The following PRSS56 variants were observed in gnomAD, a reference collection of about 807,000 sequenced individuals.
PRSS56 encodes the protein protease, serine 56.
In PRSS56, 55 loss-of-function variants were observed where a neutral mutation model predicts 66.8. The observed-to-expected ratio is 0.82, with a 90% CI of 0.66 to 1.03. The LOEUF (loss-of-function observed/expected upper bound fraction) is 1.03. Ranked by LOEUF, PRSS56 falls within the 50% of genes least tolerant of loss-of-function variation. The pLI is 0.00. For synonymous variants in PRSS56, 409 were observed against 387.9 expected (o/e 1.05, Z -0.64); for missense variants, 869 against 837.2 (o/e 1.04, Z -0.47).
In PRSS56 at chr2:232,520,453, A is replaced by G. The variant is rs1378908957; in HGVS notation, c.-146A>G. On this transcript the variant is annotated 5_prime_UTR_variant, in exon 1 of 13. Coordinates refer to ENST00000617714, the MANE Select transcript of PRSS56 (RefSeq NM_001195129.2). ...GAGGCGGGTAATTTTGATGTAAGAG[A>G]ACGGGGTCAGATGATTTGAGGGACA... is the stretch of plus-strand genomic sequence containing the variant. 2 of 697,168 alleles carry G rather than the reference A, an allele frequency of 2.9e-6. No homozygotes were observed. Among genetic ancestry groups the G allele is most frequent in the African/African-American group, 1.7e-5 (1 of 57,172 alleles). The allele number at this position is 697,168 out of a possible 1,614,324, so 43.2% of individuals were successfully genotyped here.
At position 232,522,812 on chromosome 2, in the gene PRSS56, C is replaced by A. The variant is rs1204418364; in HGVS notation, c.657C>A (p.Pro219=). 7 of 1,497,656 alleles carry A rather than the reference C, an allele frequency of 4.7e-6. 1 individual carries two copies. In the South Asian group the frequency reaches 8.8e-5, roughly 19 times the overall value. The allele number at this position is 1,497,656 out of a possible 1,614,324, so 92.8% of individuals were successfully genotyped here. ...GCCTGCCCCAGGAGCCCCAGGAGCC[C>A]CCTGCCGGAACCGCCTGCGCCATCG... The part of the protein sequence containing the change: ...PVCLPQEPQE[P]PAGTACAIAG... Residue 219 remains proline (P), a synonymous_variant, in exon 6 of 13, where the codon CCC becomes CCA. Coordinates refer to ENST00000617714, the MANE Select transcript of PRSS56 (RefSeq NM_001195129.2).
chr2:232,524,446 G>A, intron 11 of PRSS56, 77 bp downstream of exon 11: 1 of 1,398,172 alleles, frequency 7.2e-7, no homozygotes, highest in Non-Finnish European at 9.6e-7. Context: ...TTCTACTGCA[G>A]CTCCGGAAAG....
rs1387727553 is a variant in PRSS56 at position 232,524,750 on chromosome 2, TGGAGCCCCTGCGACA to T, written c.1429_1443del (p.Glu477_Gln481del). ...CCTCTTCCTCCAGGCTGCCCTGGGC[TGGAGCCCCTGCGACA>T]GAAGTTGGCTGCCCTGCAGGGGGCC... On this transcript the variant is annotated inframe_deletion, in exon 12 of 13. Coordinates refer to ENST00000617714, the MANE Select transcript of PRSS56 (RefSeq NM_001195129.2). 1.3e-6 allele frequency: 2 copies of T among 1,526,430 alleles called. No individual in the cohort carries two copies. The highest frequency in any genetic ancestry group is 3.9e-5 in the Admixed American group (2 of 50,660). 94.6% of individuals were successfully genotyped at this position (1,526,430 alleles called of 1,614,324 possible).
chr2:232,520,652 C>A lies in PRSS56; in HGVS notation c.54C>A (p.His18Gln). The change falls in exon 1 of 13, where the codon CAC becomes CAA. Residue 18 changes from histidine to glutamine, a missense_variant. His to Gln is a conservative substitution (Grantham distance 24). This residue lies in a region of PRSS56 where 315 missense variants were observed against 313.7 expected (regional missense o/e 1.00). Coordinates refer to ENST00000617714, the MANE Select transcript of PRSS56 (RefSeq NM_001195129.2). Reference sequence around the variant, plus strand: ...CCCTCCCAAGCTCATGGTTTGCCCACGGGCACCCACTGTACACACGCCTGC... The same window carrying A: ...CCCTCCCAAGCTCATGGTTTGCCCAAGGGCACCCACTGTACACACGCCTGC... The part of the protein sequence containing the change: ...LLPLPSSWFA[H>Q]GHPLYTRLPP... 2.0e-6 allele frequency: 3 copies of A among 1,536,006 alleles called. No individual in the cohort carries two copies. Among genetic ancestry groups the A allele is most frequent in the South Asian group, 2.4e-5 (2 of 84,064 alleles).
chr2:232,523,166 C>A lies in PRSS56; in HGVS notation c.813C>A (p.Cys271Ter), dbSNP rs962090842. The change falls in exon 7 of 13, where the codon TGC becomes TGA. Residue 271 changes from cysteine (C) to a stop codon, truncating the protein, a stop_gained. Transcript: ENST00000617714. LOFTEE classifies it high-confidence loss of function. ...GGCTGCGCCCCAGCACCATGCTCTGCGCCGGGTACCTGGCGGGGGGCGTTG... is the reference window on the plus strand; with the variant it reads ...GGCTGCGCCCCAGCACCATGCTCTGAGCCGGGTACCTGGCGGGGGGCGTTG... ...GPGLRPSTMLCAGYLAGGVDS... is the reference protein window; with the variant it reads ...GPGLRPSTML 9 of 1,497,584 alleles carry A rather than the reference C, an allele frequency of 6.0e-6. No homozygotes were observed. The highest frequency in any genetic ancestry group is 4.5e-5 in the Admixed American group (2 of 44,220). The allele number at this position is 1,497,584 out of a possible 1,614,324, so 92.8% of individuals were successfully genotyped here.
chr2:232,521,515 A>C, intron 2 of PRSS56, 87 bp downstream of exon 2: 1 of 1,144,486 alleles, frequency 8.7e-7, no homozygotes, highest in South Asian at 1.3e-5. Context: ...TTCAGTCTTC[A>C]CTCTCCTCTT....
At chr2:232,524,391 CT>C in intron 11 of PRSS56, 22 bp downstream of exon 11, 1 of 1,532,892 alleles carries the variant, frequency 6.5e-7, no homozygotes, top group Non-Finnish European at 8.7e-7. Context: ...CCCTGCCGAC[CT>C]TCAGGAGGGG....
chr2:232,522,874 G>A lies in PRSS56; in HGVS notation c.706+13G>A, dbSNP rs942690845. 2.8e-6 allele frequency: 4 copies of A among 1,451,982 alleles called. No individual in the cohort carries two copies. The African/African-American group carries it at 5.7e-5, about 21-fold the overall frequency. 89.9% of individuals were successfully genotyped at this position (1,451,982 alleles called of 1,614,324 possible). A position where few individuals can be genotyped will look rare whatever the true frequency, so the allele number is the denominator to read the frequency against. On this transcript the variant is annotated intron_variant, in intron 6 of 12. Coordinates refer to ENST00000617714, the MANE Select transcript of PRSS56 (RefSeq NM_001195129.2). ...GCCCTCTTCGAAGGTACTGGGCGTG[G>A]GTGAGCCGGCGCGTGGTGGGAAGAA...
Position 232,523,216 on chromosome 2 carries a change from CTGA to C in PRSS56, c.849+18_849+20del. ...GACTCGTGCCAGGTATGAACCCAGT[CTGA>C]TGAGAAAAGGCCGGCTGAGCCTTCC... On this transcript the variant is annotated intron_variant, in intron 7 of 12. Transcript: ENST00000617714. 6.9e-7 allele frequency: 1 copy of C among 1,440,302 alleles called. No homozygotes were observed. The highest frequency in any genetic ancestry group is 2.6e-5 in the East Asian group (1 of 39,054). The allele number at this position is 1,440,302 out of a possible 1,614,324, so 89.2% of individuals were successfully genotyped here.
Position 232,524,088 on chromosome 2 carries a change from G to T in PRSS56, c.1236G>T (p.Gln412His). The T allele has an allele frequency of 6.6e-7, 1 of 1,523,658 alleles. No individual in the cohort carries two copies. Among genetic ancestry groups the T allele is most frequent in the Non-Finnish European group, 8.8e-7 (1 of 1,142,186 alleles). The allele number at this position is 1,523,658 out of a possible 1,614,324, so 94.4% of individuals were successfully genotyped here. A position where few individuals can be genotyped will look rare whatever the true frequency, so the allele number is the denominator to read the frequency against. The stretch of plus-strand genomic sequence containing the variant: ...TGCTGGGCCTGCTGCGGAACGCGCA[G>T]GAGCTGCTCGGGCCTCGTCCGGGAC... Reference protein sequence around the residue: ...HTLLGLLRNAQELLGPRPGLR... With the variant: ...HTLLGLLRNAHELLGPRPGLR... Residue 412 changes from glutamine to histidine, a missense_variant, in exon 10 of 13, where the codon CAG becomes CAT. By Grantham distance (24) the Gln-to-His change is conservative. Transcript: ENST00000617714.
At position 232,524,034 on chromosome 2, in the gene PRSS56, C is replaced by A; in HGVS notation, c.1187-5C>A. On this transcript the variant is annotated splice_polypyrimidine_tract_variant and splice_region_variant and intron_variant, in intron 9 of 12. Transcript: ENST00000617714. Reference sequence around the variant, plus strand: ...CCGCCGCTCCGACTCCTGTCCGGTCCGCAGAGCTGCGCTCGCTGGCGCACA... The same window carrying A: ...CCGCCGCTCCGACTCCTGTCCGGTCAGCAGAGCTGCGCTCGCTGGCGCACA... The A allele has an allele frequency of 6.6e-7, 1 of 1,524,910 alleles. No individual in the cohort carries two copies. The allele number at this position is 1,524,910 out of a possible 1,614,324, so 94.5% of individuals were successfully genotyped here.
intron 12 of PRSS56, 131 bp downstream of exon 12, chr2:232,524,975 G>A: frequency 1.2e-6 from 1 of 839,816 alleles, no homozygotes; most frequent in South Asian, 1.8e-5. Flanking sequence ...CAGCTCTGGG[G>A]GTAGGTAGAG....
Position 232,524,099 on chromosome 2 carries a change from G to C in PRSS56, c.1247G>C (p.Gly416Ala). The C allele has an allele frequency of 6.6e-7, 1 of 1,521,434 alleles. No homozygotes were observed. The highest frequency in any genetic ancestry group is 1.2e-5 in the South Asian group (1 of 82,560). 94.2% of individuals were successfully genotyped at this position (1,521,434 alleles called of 1,614,324 possible). A position where few individuals can be genotyped will look rare whatever the true frequency, so the allele number is the denominator to read the frequency against. ...CTGCGGAACGCGCAGGAGCTGCTCG[G>C]GCCTCGTCCGGGACTGCGGCGCCTG... ...GLLRNAQELL[G>A]PRPGLRRLAP... Residue 416 changes from glycine (G) to alanine (A), a missense_variant, in exon 10 of 13, where the codon GGG becomes GCG. By Grantham distance (60) the Gly-to-Ala change is moderately conservative. Around this residue, in one of 3 missense-constraint regions of PRSS56, gnomAD observed 551 missense variants for 506.9 expected, o/e 1.09. Coordinates refer to ENST00000617714, the MANE Select transcript of PRSS56 (RefSeq NM_001195129.2).
At position 232,521,314 on chromosome 2, in the gene PRSS56, C is replaced by G. The variant is rs920011223; in HGVS notation, c.98-7C>G. On this transcript the variant is annotated splice_polypyrimidine_tract_variant and splice_region_variant and intron_variant, in intron 1 of 12. Transcript: ENST00000617714. ...CACGCATGATTGTGTGCCCCCTGTC[C>G]CAGCAGTTCTGTCGGCCCAGGGGAC... 12 of 1,534,186 alleles carry G rather than the reference C, an allele frequency of 7.8e-6. No individual in the cohort carries two copies. Among genetic ancestry groups the G allele is most frequent in the Non-Finnish European group, 9.6e-6 (11 of 1,145,254 alleles).
chr2:232,520,552 C>G lies in PRSS56; in HGVS notation c.-47C>G. On this transcript the variant is annotated 5_prime_UTR_variant, in exon 1 of 13. Transcript: ENST00000617714. Reference sequence around the variant, plus strand: ...GGATAGGCACCCGGAAGGTGGACTCCGAGGAGGAGAGAGGACAGGGGTCTC... The same window carrying G: ...GGATAGGCACCCGGAAGGTGGACTCGGAGGAGGAGAGAGGACAGGGGTCTC... 1 of 1,474,604 alleles carries G rather than the reference C, an allele frequency of 6.8e-7. No individual in the cohort carries two copies. Among genetic ancestry groups the G allele is most frequent in the Non-Finnish European group, 9.2e-7 (1 of 1,090,936 alleles). The allele number at this position is 1,474,604 out of a possible 1,614,324, so 91.3% of individuals were successfully genotyped here. A position where few individuals can be genotyped will look rare whatever the true frequency, so the allele number is the denominator to read the frequency against.
chr2:232,522,010 C>T lies in PRSS56; in HGVS notation c.296C>T (p.Thr99Met). The stretch of plus-strand genomic sequence containing the variant: ...AGGCGTCCGAGCACTGCCAATGTGA[C>T]GCGGGCCCACGGCCGCATCGTGGGG... The part of the protein sequence containing the change: ...GERRPSTANV[T>M]RAHGRIVGGS... The change falls in exon 4 of 13, where the codon ACG becomes ATG. Residue 99 changes from threonine to methionine, a missense_variant. By Grantham distance (81) the Thr-to-Met change is moderately conservative. Around this residue, in one of 3 missense-constraint regions of PRSS56, gnomAD observed 315 missense variants for 313.7 expected, o/e 1.00. Coordinates refer to ENST00000617714, the MANE Select transcript of PRSS56 (RefSeq NM_001195129.2). 1 of 1,453,522 alleles carries T rather than the reference C, an allele frequency of 6.9e-7. No individual in the cohort carries two copies. Among genetic ancestry groups the T allele is most frequent in the Non-Finnish European group, 9.0e-7 (1 of 1,108,866 alleles). 90.0% of individuals were successfully genotyped at this position (1,453,522 alleles called of 1,614,324 possible). A position where few individuals can be genotyped will look rare whatever the true frequency, so the allele number is the denominator to read the frequency against.
In PRSS56 at chr2:232,522,889, G is replaced by A. The variant is rs149313346; in HGVS notation, c.706+28G>A. On this transcript the variant is annotated intron_variant, in intron 6 of 12. Coordinates refer to ENST00000617714, the MANE Select transcript of PRSS56 (RefSeq NM_001195129.2). ...ACTGGGCGTGGGTGAGCCGGCGCGT[G>A]GTGGGAAGAACTGGGGGTCCGAGGT... The A allele has an allele frequency of 4.7e-4, 675 of 1,448,224 alleles. 3 individuals are homozygous for A. In the African/African-American group the frequency reaches 8.0e-3, roughly 17 times the overall value. The allele number at this position is 1,448,224 out of a possible 1,614,324, so 89.7% of individuals were successfully genotyped here.
chr2:232,521,291 C>T (rs563841430), intron 1 of PRSS56, 30 bp from the exon 2 acceptor site: 48 of 1,502,332 alleles, frequency 3.2e-5, no homozygotes, highest in Non-Finnish European at 4.0e-5. Flanking sequence ...TCCCCAACCA[C>T]GCATGATTGT....
intron 1 of PRSS56, among the ~76,000 whole-genome samples, 162 bp downstream of exon 1, chr2:232,520,857 G>A (rs1310730248): frequency 3.3e-5 from 5 of 152,182 alleles, no homozygotes; most frequent in Admixed American, 6.5e-5. Flanking sequence ...TGAGATATAG[G>A]TGGGAGAGGA....
Sources: gnomAD v4.1 joint callset for allele counts (sites outside exome capture counted in the v4.1 genomes callset) on GRCh38, gnomAD v4.1.1 for gene constraint, gnomAD v4.1.1 regional missense constraint, MANE v1.5 for transcripts, NCBI Gene and HGNC (gene_info 2026-07-23, HGNC 2026-07-21) for gene names.